The following GRID2IP variants were observed in gnomAD, a reference collection of about 807,000 sequenced individuals.
GRID2IP encodes the protein delphilin.
In GRID2IP, 78 loss-of-function variants were observed where a neutral mutation model predicts 114.3. The observed-to-expected ratio is 0.68, with a 90% CI of 0.57 to 0.82. The LOEUF (loss-of-function observed/expected upper bound fraction) is 0.82, where lower values mean the gene tolerates loss of function less well. Ranked by LOEUF, GRID2IP falls within the 40% of genes least tolerant of loss-of-function variation. The probability of loss-of-function intolerance (pLI) is 0.00; values close to 1 mark genes in which losing one functional copy is unlikely to be tolerated. For synonymous variants in GRID2IP, 809 were observed against 724.0 expected, an observed-to-expected ratio of 1.12 and a Z score of -1.89; for missense variants, 1,727 against 1,678.5, an observed-to-expected ratio of 1.03 and a Z score of -0.51.
rs953283474 is a variant in GRID2IP, at chr7:6,503,455, G to A, written c.2907+36C>T. 221 of 1,482,746 alleles carry A rather than the reference G, an allele frequency of 1.5e-4. No individual in the cohort carries two copies. The East Asian group carries it at 5.7e-3, about 38-fold the overall frequency. The allele number at this position is 1,482,746 out of a possible 1,614,324, so 91.8% of individuals were successfully genotyped here. A position where few individuals can be genotyped will look rare whatever the true frequency, so the allele number is the denominator to read the frequency against. On this transcript the variant is annotated intron_variant, in intron 16 of 21. Transcript: ENST00000457091. ...CCACAGCGACAGCCCCTGTGGAGCC[G>A]GCCGAGGCCTCGGGGCGGGGTTGTG...
Position 6,502,869 on chromosome 7 carries a change from C to G in GRID2IP, c.3067G>C (p.Val1023Leu). 6.4e-7 allele frequency: 1 copy of G among 1,551,702 alleles called. No individual in the cohort carries two copies. The highest frequency in any genetic ancestry group is 8.7e-7 in the Non-Finnish European group (1 of 1,146,752). The change falls in exon 18 of 22, where the codon GTG becomes CTG. Residue 1023 changes from valine (V) to leucine (L), a missense_variant. Val to Leu is a conservative substitution (Grantham distance 32). Transcript: ENST00000457091. ...TTGAGATAGTTGCCCATGGCCAACA[C>G]AAACTGTGGACAAGAAGGTGGGTAG... ...SRKLAKILEF[V>L]LAMGNYLNDG...
At chr7:6,535,884 T>C (rs748311917) in intron 2 of GRID2IP, among the ~76,000 whole-genome samples, 15 of 152,000 alleles carry the variant, frequency 9.9e-5, no homozygotes, top group African/African-American at 2.9e-4. Context: ...GAACTCTCCT[T>C]GGGGACTGTC....
chr7:6,504,569 G>A (rs1324062945), intron 15 of GRID2IP, among the ~76,000 whole-genome samples: 1 of 152,156 alleles, frequency 6.6e-6, no homozygotes, highest in Non-Finnish European at 1.5e-5. Flanking sequence ...CTGGAGGCGG[G>A]GCCAGAACCG....
rs1035110814 is a variant in GRID2IP at position 6,503,401 on chromosome 7, G to A, written c.2907+90C>T. On this transcript the variant is annotated intron_variant, in intron 16 of 21. Transcript: ENST00000457091. ...AGGCTTGGGCGCAATGGCGGCCCCC[G>A]AAGGCGCGCGGGACCCCAGCAGCCC... is the stretch of plus-strand genomic sequence containing the variant. The A allele has an allele frequency of 8.7e-5, 114 of 1,304,200 alleles. No individual in the cohort carries two copies. The African/African-American group carries it at 1.7e-3, about 19-fold the overall frequency. The allele number at this position is 1,304,200 out of a possible 1,614,324, so 80.8% of individuals were successfully genotyped here.
At chr7:6,501,722 G>T in intron 20 of GRID2IP, 59 bp downstream of exon 20, 10 of 1,293,956 alleles carry the variant, frequency 7.7e-6, no homozygotes, top group Non-Finnish European at 9.8e-6. Context: ...GCCACAGCCA[G>T]CTCTACCCAA....
chr7:6,550,915 C>T (rs1779963373), intron 1 of GRID2IP, 93 bp downstream of exon 1: 2 of 1,183,844 alleles, frequency 1.7e-6, no homozygotes, highest in Non-Finnish European at 2.1e-6. Context: ...AGTTTCCTTA[C>T]CTCTGGCCCT....
intron 4 of GRID2IP, among the ~76,000 whole-genome samples, chr7:6,522,200 A>G (rs1197153883): frequency 6.6e-6 from 1 of 152,164 alleles, no homozygotes; most frequent in Non-Finnish European, 1.5e-5. Flanking sequence ...GAAAAAAAAT[A>G]CAGAGCCCCA....
At chr7:6,539,394 G>A (rs762488880) in intron 2 of GRID2IP, among the ~76,000 whole-genome samples, 10 of 152,030 alleles carry the variant, frequency 6.6e-5, no homozygotes, top group Non-Finnish European at 8.8e-5. Flanking sequence ...CCCAAAGCAC[G>A]TGGATTACAG....
At chr7:6,544,648 G>C (rs1273036326) in intron 1 of GRID2IP, among the ~76,000 whole-genome samples, 1 of 152,020 alleles carries the variant, frequency 6.6e-6, no homozygotes, top group Non-Finnish European at 1.5e-5. Context: ...TCTCTCTCAG[G>C]CTATAAATAA....
chr7:6,527,072 G>A (rs1248158082), intron 2 of GRID2IP, among the ~76,000 whole-genome samples: 1 of 151,946 alleles, frequency 6.6e-6, no homozygotes, highest in Non-Finnish European at 1.5e-5. Context: ...GCCAGTCCAC[G>A]GACCCGTTCC....
In GRID2IP at chr7:6,534,905, G is replaced by A. The variant is rs1400972809; in HGVS notation, c.584+4813C>T. On this transcript the variant is annotated intron_variant, in intron 2 of 21. Coordinates refer to ENST00000457091, the MANE Select transcript of GRID2IP (RefSeq NM_001145118.2). This position sits in a 1 kb window ranked among gnomAD's most constrained non-coding sequence, Gnocchi z 4.5. ...TAATTTATTTATTTATTTATTTTGA[G>A]ATAGAGTTTCACTCCTGTTGCCCAG... 1.3e-5 allele frequency among the ~76,000 whole-genome samples: 2 copies of A among 152,036 alleles called. No individual in the cohort carries two copies. Among genetic ancestry groups the A allele is most frequent in the Non-Finnish European group, 2.9e-5 (2 of 68,006 alleles).
In GRID2IP at chr7:6,507,321, T is replaced by A. The variant is rs1351810188; in HGVS notation, c.2544+664A>T. 2.6e-5 allele frequency among the ~76,000 whole-genome samples: 4 copies of A among 151,582 alleles called. No homozygotes were observed. The highest frequency in any genetic ancestry group is 9.7e-5 in the African/African-American group (4 of 41,198). On this transcript the variant is annotated intron_variant, in intron 13 of 21. Transcript: ENST00000457091. This position sits in a 1 kb window ranked among gnomAD's most constrained non-coding sequence, Gnocchi z 5.3. ...GGGGTTCCATCTGGGAATGTCTCTT[T>A]GACAGGGACATGGACACTGGAGTGG...
chr7:6,542,956 C>A (rs752052172), intron 1 of GRID2IP, among the ~76,000 whole-genome samples: 1 of 152,154 alleles, frequency 6.6e-6, no homozygotes, highest in Non-Finnish European at 1.5e-5. Context: ...GAGTCGTTCA[C>A]GTCTCCCTCT....
rs200143110 is a variant in GRID2IP at position 6,507,980 on chromosome 7, C to T, written c.2544+5G>A. 1.3e-6 allele frequency: 2 copies of T among 1,549,974 alleles called. No individual in the cohort carries two copies. The highest frequency in any genetic ancestry group is 2.0e-5 in the Admixed American group (1 of 50,956). On this transcript the variant is annotated splice_donor_5th_base_variant and intron_variant, in intron 13 of 21. Coordinates refer to ENST00000457091, the MANE Select transcript of GRID2IP (RefSeq NM_001145118.2). This position sits in a 1 kb window ranked among gnomAD's most constrained non-coding sequence, Gnocchi z 5.3. ...CAGAGCGCTGCTGGGTCCCAGGTCACCTACCTGACCCCAGATGGTGCCTTC... is the reference window on the plus strand; with the variant it reads ...CAGAGCGCTGCTGGGTCCCAGGTCATCTACCTGACCCCAGATGGTGCCTTC...
intron 2 of GRID2IP, among the ~76,000 whole-genome samples, chr7:6,527,462 C>T (rs1412546441): frequency 1.3e-5 from 2 of 152,208 alleles, no homozygotes; most frequent in Non-Finnish European, 2.9e-5. Flanking sequence ...CTGTGCCAGC[C>T]AGGAACTGGC....
chr7:6,537,656 G>A (rs909924932), intron 2 of GRID2IP, among the ~76,000 whole-genome samples: 3 of 151,638 alleles, frequency 2.0e-5, no homozygotes, highest in Non-Finnish European at 2.9e-5. Flanking sequence ...GGGATTACAG[G>A]TGTGAGCCAC....
rs1786271524 is a variant in GRID2IP at position 6,496,947 on chromosome 7, A to C, written c.*827T>G. 6.6e-6 allele frequency among the ~76,000 whole-genome samples: 1 copy of C among 152,054 alleles called. No individual in the cohort carries two copies. The highest frequency in any genetic ancestry group is 2.1e-4 in the South Asian group (1 of 4,820). On this transcript the variant is annotated 3_prime_UTR_variant, in exon 22 of 22. Coordinates refer to ENST00000457091, the MANE Select transcript of GRID2IP (RefSeq NM_001145118.2). ...ACCATTTGGGTCCCAAACACATCCC[A>C]GATTGTGTCATCTGCCCCCACACCT...
intron 2 of GRID2IP, among the ~76,000 whole-genome samples, chr7:6,538,355 G>T (rs376194113): frequency 4.7e-5 from 7 of 149,624 alleles, no homozygotes; most frequent in African/African-American, 1.5e-4. Flanking sequence ...GACAGAGCGA[G>T]ACCCTGTCTC....
chr7:6,498,572 CTTT>C (rs34146767), intron 20 of GRID2IP, among the ~76,000 whole-genome samples: 4 of 68,138 alleles, frequency 5.9e-5, no homozygotes, highest in East Asian at 4.9e-4. Context: ...CTAGGCCTTA[CTTT>C]TTTTTTTTTT....
Sources: gnomAD v4.1 joint callset for allele counts (sites outside exome capture counted in the v4.1 genomes callset) on GRCh38, gnomAD v4.1.1 for gene constraint, Gnocchi (gnomAD v3.1) non-coding constraint, MANE v1.5 for transcripts, NCBI Gene and HGNC (gene_info 2026-07-23, HGNC 2026-07-21) for gene names.